The following TRHDE variants were observed in gnomAD, a reference collection of about 807,000 sequenced individuals.
TRHDE encodes thyrotropin-releasing hormone-degrading ectoenzyme.
In TRHDE, 72 loss-of-function variants were observed where a neutral mutation model predicts 125.7. The observed-to-expected ratio is 0.57, with a 90% CI of 0.47 to 0.70. The LOEUF (loss-of-function observed/expected upper bound fraction) is 0.70, where lower values mean the gene tolerates loss of function less well. TRHDE is among the 30% of genes least tolerant of loss of function. The pLI, the probability that TRHDE is intolerant of heterozygous loss-of-function variation, is 0.00. For missense variants in TRHDE, 1,110 were observed against 1,327.1 expected (o/e 0.84, Z 2.54); for synonymous variants, 509 against 509.1 (o/e 1.00, Z 0.00).
chr12:72,506,453 A>G (rs769268129), intron 6 of TRHDE, among the ~76,000 whole-genome samples: 2 of 152,224 alleles, frequency 1.3e-5, no homozygotes, highest in South Asian at 4.1e-4. Context: ...ACTATGTACA[A>G]TGTATTTTGT....
At chr12:72,220,935 AT>A (rs1165146008) in intron 2 of TRHDE, among the ~76,000 whole-genome samples, 1 of 152,020 alleles carries the variant, frequency 6.6e-6, no homozygotes, top group Non-Finnish European at 1.5e-5. Flanking sequence ...AACAACTTTT[AT>A]TTTTTTAAAT....
At chr12:72,294,765 T>C (rs1257819359) in intron 2 of TRHDE, among the ~76,000 whole-genome samples, 1 of 152,062 alleles carries the variant, frequency 6.6e-6, no homozygotes, top group Non-Finnish European at 1.5e-5. Flanking sequence ...AGGCTATAAG[T>C]GCCAAGGGGT....
At position 72,273,910 on chromosome 12, in the gene TRHDE, G is replaced by T; in HGVS notation, c.914+353G>T. On this transcript the variant is annotated intron_variant, in intron 1 of 18. Transcript: ENST00000261180. This position sits in a 1 kb window ranked among gnomAD's most constrained non-coding sequence, Gnocchi z 5.3. Reference sequence around the variant, plus strand: ...GAGCGATGCCAGAGTGACATGAAAAGCTTGCCAAGTTACTGTCGAGGGAAA... The same window carrying T: ...GAGCGATGCCAGAGTGACATGAAAATCTTGCCAAGTTACTGTCGAGGGAAA... The T allele has an allele frequency of 4.4e-6, 1 of 229,226 alleles. No individual in the cohort carries two copies. The highest frequency in any genetic ancestry group is 8.6e-6 in the Non-Finnish European group (1 of 116,458). 14.2% of individuals were successfully genotyped at this position (229,226 alleles called of 1,614,324 possible). A position where few individuals can be genotyped will look rare whatever the true frequency, so the allele number is the denominator to read the frequency against.
chr12:72,261,702 A>G (rs1156388384), intron 2 of TRHDE, among the ~76,000 whole-genome samples: 1 of 152,170 alleles, frequency 6.6e-6, no homozygotes, highest in African/African-American at 2.4e-5. Context: ...CTGATGTTCT[A>G]TATATTACCT....
intron 2 of TRHDE, among the ~76,000 whole-genome samples, chr12:72,186,846 C>T (rs1226057816): frequency 1.3e-5 from 2 of 151,710 alleles, no homozygotes; most frequent in Non-Finnish European, 2.9e-5. Context: ...TGGGGGGTAG[C>T]ACTAGTTCCA....
intron 2 of TRHDE, among the ~76,000 whole-genome samples, chr12:72,292,834 C>T (rs1166556045): frequency 6.6e-6 from 1 of 152,146 alleles, no homozygotes; most frequent in South Asian, 2.1e-4. Flanking sequence ...ATCAATATTG[C>T]TGAATAAGAA....
chr12:72,425,511 G>A (rs1874145979), intron 3 of TRHDE, among the ~76,000 whole-genome samples: 1 of 152,048 alleles, frequency 6.6e-6, no homozygotes, highest in South Asian at 2.1e-4. Context: ...AATCAATTGA[G>A]TTTCCATAAT....
intron 2 of TRHDE, among the ~76,000 whole-genome samples, chr12:72,319,039 G>A (rs1009260745): frequency 1.3e-5 from 2 of 152,124 alleles, no homozygotes; most frequent in East Asian, 1.9e-4. Context: ...GAAGCTGGAC[G>A]GTGTACCATG....
At chr12:72,638,035 C>G (rs1240592441) in intron 15 of TRHDE, among the ~76,000 whole-genome samples, 1 of 150,406 alleles carries the variant, frequency 6.6e-6, no homozygotes, top group African/African-American at 2.5e-5. Flanking sequence ...TGGTGCAGAG[C>G]TGAGTTCAAT....
intron 1 of TRHDE, among the ~76,000 whole-genome samples, chr12:72,092,510 G>A (rs1874814222): frequency 6.6e-6 from 1 of 152,198 alleles, no homozygotes; most frequent in Admixed American, 6.5e-5. Context: ...CCTATCTGTT[G>A]TCTCCATACG....
rs1877309354 is a variant in TRHDE, at chr12:72,484,352, T to C, written c.1584+11172T>C. Among the ~76,000 whole-genome samples the C allele has an allele frequency of 2.0e-5, 3 of 152,012 alleles. No homozygotes were observed. The South Asian group carries it at 6.2e-4, about 31-fold the overall frequency. ...AGTAGGTATAAAATTCTTGAAAAGG[T>C]GAAGGAAGTATTATCTCTTAGAAAC... On this transcript the variant is annotated intron_variant, in intron 5 of 18. Coordinates refer to ENST00000261180, the MANE Select transcript of TRHDE (RefSeq NM_013381.3).
chr12:72,306,109 T>C (rs1454024103), intron 2 of TRHDE, among the ~76,000 whole-genome samples: 1 of 152,206 alleles, frequency 6.6e-6, no homozygotes, highest in African/African-American at 2.4e-5. Context: ...TTTTTTCTGC[T>C]GGTGGATATC....
At chr12:72,279,402 C>G (rs1374660180) in intron 1 of TRHDE, among the ~76,000 whole-genome samples, 3 of 152,114 alleles carry the variant, frequency 2.0e-5, no homozygotes, top group African/African-American at 7.2e-5. Context: ...TCATCACCAT[C>G]ATCATCATCA....
chr12:72,243,915 T>A (rs1878527560), intron 2 of TRHDE, among the ~76,000 whole-genome samples: 1 of 152,184 alleles, frequency 6.6e-6, no homozygotes, highest in African/African-American at 2.4e-5. Context: ...AGAACCTGAT[T>A]AATTAGGTCA....
chr12:72,241,181 CT>C (rs1878476068), intron 2 of TRHDE, among the ~76,000 whole-genome samples: 1 of 152,140 alleles, frequency 6.6e-6, no homozygotes, highest in African/African-American at 2.4e-5. Context: ...CATACAAGGA[CT>C]TTTTTGGTGG....
intron 6 of TRHDE, among the ~76,000 whole-genome samples, chr12:72,514,137 C>A (rs868019541): frequency 4.6e-5 from 7 of 152,076 alleles, no homozygotes; most frequent in Middle Eastern, 3.2e-3. Context: ...AAAACATATC[C>A]TTTCTAGAAA....
chr12:72,297,889 C>G (rs1437175819), intron 2 of TRHDE, among the ~76,000 whole-genome samples: 1 of 152,140 alleles, frequency 6.6e-6, no homozygotes, highest in Non-Finnish European at 1.5e-5. Flanking sequence ...ATGTTAACAA[C>G]AGAACAGAGG....
intron 3 of TRHDE, among the ~76,000 whole-genome samples, chr12:72,433,332 A>G (rs1426789499): frequency 1.3e-5 from 2 of 152,018 alleles, no homozygotes; most frequent in East Asian, 1.9e-4. Flanking sequence ...GGAATTTTCT[A>G]TTTGTGAAGA....
rs549324361 is a variant in TRHDE, at chr12:72,457,507, T to C, written c.1316-12251T>C. Among the ~76,000 whole-genome samples, 10 of 152,278 alleles carry C rather than the reference T, an allele frequency of 6.6e-5. No individual in the cohort carries two copies. In the South Asian group the frequency reaches 2.1e-3, roughly 32 times the overall value. The stretch of plus-strand genomic sequence containing the variant: ...GATGCCAGTTAATATTAAGTAATAC[T>C]ACGCACTGCAATAAGTGATTTAAAA... On this transcript the variant is annotated intron_variant, in intron 3 of 18. Transcript: ENST00000261180.
Sources: gnomAD v4.1 joint callset for allele counts (sites outside exome capture counted in the v4.1 genomes callset) on GRCh38, gnomAD v4.1.1 for gene constraint, Gnocchi (gnomAD v3.1) non-coding constraint, MANE v1.5 for transcripts, NCBI Gene and HGNC (gene_info 2026-07-23, HGNC 2026-07-21) for gene names.